Variants in TBC1D5 observed in about 807,000 individuals in gnomAD.
TBC1D5 encodes the protein TBC1 domain family, member 5.
Under a neutral mutation model 100.3 loss-of-function variants are expected in TBC1D5, and 75 were observed. That is an observed-to-expected ratio of 0.75 (90% CI 0.62 to 0.91). TBC1D5 has a LOEUF of 0.91. TBC1D5 is among the 40% of genes least tolerant of loss of function. TBC1D5 has a pLI of 0.00. For synonymous variants in TBC1D5, 323 were observed against 325.6 expected, an observed-to-expected ratio of 0.99 and a Z score of 0.09; for missense variants, 910 against 942.4, an observed-to-expected ratio of 0.97 and a Z score of 0.45.
intron 1 of TBC1D5, chr3:17,705,923 G>A: frequency 1.9e-6 from 2 of 1,039,584 alleles, no homozygotes; most frequent in Admixed American, 2.8e-5. Context: ...CGGGCCCGCG[G>A]GGCCCGTCCG....
chr3:17,698,528 C>T (rs1168919752), intron 1 of TBC1D5, among the ~76,000 whole-genome samples: 2 of 151,620 alleles, frequency 1.3e-5, no homozygotes, highest in African/African-American at 4.9e-5. Flanking sequence ...GCAACAAAAG[C>T]CAAAATTGAC....
chr3:17,228,691 C>CTTTTTTT (rs34658453), intron 17 of TBC1D5, among the ~76,000 whole-genome samples: 1 of 143,882 alleles, frequency 7.0e-6, no homozygotes, highest in Non-Finnish European at 1.5e-5. Flanking sequence ...GAGAAGTTAT[C>CTTTTTTT]TTTTTTTTTT....
At chr3:17,724,812 C>G (rs2075991719) in intron 1 of TBC1D5, among the ~76,000 whole-genome samples, 1 of 151,782 alleles carries the variant, frequency 6.6e-6, no homozygotes, top group African/African-American at 2.4e-5. Flanking sequence ...TATATCTTAC[C>G]CTCTTTCTTT....
intron 20 of TBC1D5, 67 bp downstream of exon 21, chr3:17,167,682 A>G: frequency 2.1e-6 from 3 of 1,427,354 alleles, no homozygotes; most frequent in Non-Finnish European, 3.0e-6. Context: ...ATGGTGCTCC[A>G]TGCCCTGGGG....
At chr3:17,492,124 G>A (rs778742882) in intron 3 of TBC1D5, among the ~76,000 whole-genome samples, 1 of 152,160 alleles carries the variant, frequency 6.6e-6, no homozygotes, top group Non-Finnish European at 1.5e-5. Flanking sequence ...CTGTATTTCT[G>A]TGGGGTCAGT....
chr3:17,393,801 T>C (rs1455714603), intron 8 of TBC1D5, among the ~76,000 whole-genome samples: 2 of 152,118 alleles, frequency 1.3e-5, no homozygotes, highest in Non-Finnish European at 2.9e-5. Context: ...ACCCCTTCCT[T>C]ACACCTTATA....
chr3:17,701,291 A>G (rs1253778343), intron 1 of TBC1D5, among the ~76,000 whole-genome samples: 1 of 152,110 alleles, frequency 6.6e-6, no homozygotes, highest in Non-Finnish European at 1.5e-5. Context: ...TCACTTGGAC[A>G]TAAGGCGGGG....
intron 1 of TBC1D5, among the ~76,000 whole-genome samples, chr3:17,709,300 T>A (rs1220940272): frequency 6.6e-6 from 1 of 152,136 alleles, no homozygotes; most frequent in Non-Finnish European, 1.5e-5. Flanking sequence ...ACAATGGAAA[T>A]AACTATTTCT....
chr3:17,649,008 C>T (rs1229642285), intron 1 of TBC1D5, among the ~76,000 whole-genome samples: 1 of 152,120 alleles, frequency 6.6e-6, no homozygotes. Flanking sequence ...AATCATTCTA[C>T]CACAAAGACA....
intron 8 of TBC1D5, among the ~76,000 whole-genome samples, chr3:17,387,767 A>C (rs1395875594): frequency 1.3e-5 from 2 of 151,134 alleles, no homozygotes; most frequent in African/African-American, 4.9e-5. Context: ...CATAATTAAA[A>C]GCACAGAATA....
At chr3:17,313,471 C>A (rs930148366) in intron 13 of TBC1D5, among the ~76,000 whole-genome samples, 8 of 152,096 alleles carry the variant, frequency 5.3e-5, no homozygotes, top group African/African-American at 1.7e-4. Flanking sequence ...AAATTATGAT[C>A]AAATAAATTT....
chr3:17,249,628 G>A (rs1279085650), intron 16 of TBC1D5, among the ~76,000 whole-genome samples: 1 of 152,188 alleles, frequency 6.6e-6, no homozygotes, highest in African/African-American at 2.4e-5. Context: ...GGTGGCACCA[G>A]GCTTGTACAG....
chr3:17,335,971 A>G (rs1056720020), intron 13 of TBC1D5, among the ~76,000 whole-genome samples: 1 of 152,100 alleles, frequency 6.6e-6, no homozygotes, highest in East Asian at 1.9e-4. Flanking sequence ...GCTGACCACT[A>G]TTAGATCACT....
chr3:17,491,166 C>T (rs979128280), intron 3 of TBC1D5, among the ~76,000 whole-genome samples: 3 of 152,088 alleles, frequency 2.0e-5, no homozygotes, highest in African/African-American at 4.8e-5. Context: ...TTTTGTATCC[C>T]GAGACTTTGC....
At chr3:17,329,123 A>G (rs2086567193) in intron 13 of TBC1D5, among the ~76,000 whole-genome samples, 1 of 152,196 alleles carries the variant, frequency 6.6e-6, no homozygotes, top group Admixed American at 6.5e-5. Context: ...GAGCCACAGG[A>G]TGGCACAGAC....
intron 2 of TBC1D5, among the ~76,000 whole-genome samples, chr3:17,612,453 C>A (rs1248471337): frequency 2.0e-5 from 3 of 151,812 alleles, no homozygotes; most frequent in Admixed American, 2.0e-4. Context: ...CAAAGAGAAA[C>A]CCCGTCTATA....
At chr3:17,708,294 T>C (rs565733449) in intron 1 of TBC1D5, among the ~76,000 whole-genome samples, 1 of 152,404 alleles carries the variant, frequency 6.6e-6, no homozygotes, top group South Asian at 2.1e-4. Context: ...CGATCTACTT[T>C]GTTCCTTTTA....
rs771757798 is a variant in TBC1D5, at chr3:17,428,445, C to T, written c.167+5G>A. 8.2e-7 allele frequency: 1 copy of T among 1,212,852 alleles called. No homozygotes were observed. The highest frequency in any genetic ancestry group is 1.1e-6 in the Non-Finnish European group (1 of 906,598). The allele number at this position is 1,212,852 out of a possible 1,614,324, so 75.1% of individuals were successfully genotyped here. ...TATATATATATATATGTATTCATCA[C>T]CTACCTATAGGAATTAAAAGTCCCT... is the stretch of plus-strand genomic sequence containing the variant. On this transcript the variant is annotated splice_donor_5th_base_variant and intron_variant, in intron 4 of 21. Transcript: ENST00000253692.
Position 17,538,475 on chromosome 3 carries a change from A to G in TBC1D5, c.-35-29870T>C, listed in dbSNP as rs1453654194. 2.0e-5 allele frequency among the ~76,000 whole-genome samples: 3 copies of G among 152,310 alleles called. No individual in the cohort carries two copies. The South Asian group carries it at 6.2e-4, about 32-fold the overall frequency. On this transcript the variant is annotated intron_variant, in intron 2 of 21. Transcript: ENST00000253692. ...TCCCAAGTCAAGGGATGAACAGGGC[A>G]CTTGGATCTTGCAAGTCACCTGCTT...
Sources: allele counts gnomAD v4.1 joint callset (sites outside exome capture counted in the v4.1 genomes callset), GRCh38; gene constraint gnomAD v4.1.1; transcripts MANE v1.5; gene names NCBI Gene and HGNC (gene_info 2026-07-23, HGNC 2026-07-21).